ALCAM: variants seen among roughly 807,000 people sequenced by gnomAD.
The protein encoded by ALCAM is activated leukocyte cell adhesion molecule, also known as CD166 antigen.
A neutral mutation model predicts 70.9 loss-of-function variants in ALCAM; 30 were observed. The observed-to-expected ratio is 0.42, with a 90% CI of 0.32 to 0.57. ALCAM has a LOEUF of 0.57. Among genes scored for constraint, ALCAM ranks in the 20% least tolerant of loss-of-function variants. ALCAM has a pLI of 0.11. For missense variants in ALCAM, 591 were observed against 695.1 expected, an observed-to-expected ratio of 0.85 and a Z score of 1.68; for synonymous variants, 249 against 242.5, an observed-to-expected ratio of 1.03 and a Z score of -0.25.
At chr3:105,474,924 T>TA (rs150815121) in intron 1 of ALCAM, among the ~76,000 whole-genome samples, 16,907 of 148,186 alleles carry the variant, frequency 0.11, 1,106 homozygotes, top group South Asian at 0.18. Flanking sequence ...TATCCCTGTG[T>TA]AAAAAAAAAA....
intron 14 of ALCAM, among the ~76,000 whole-genome samples, chr3:105,559,181 A>G (rs1274876808): frequency 6.7e-6 from 1 of 148,200 alleles, no homozygotes; most frequent in Non-Finnish European, 1.5e-5. Flanking sequence ...TATATTATAT[A>G]TACATGTATA....
chr3:105,477,260 T>C (rs1487911336), intron 1 of ALCAM, among the ~76,000 whole-genome samples: 1 of 152,174 alleles, frequency 6.6e-6, no homozygotes, highest in East Asian at 1.9e-4. Flanking sequence ...CTTCATTTTT[T>C]TCAGAAGTTT....
intron 6 of ALCAM, among the ~76,000 whole-genome samples, chr3:105,539,002 ACTCAT>A (rs1239193457): frequency 6.6e-6 from 1 of 152,102 alleles, no homozygotes; most frequent in African/African-American, 2.4e-5. Flanking sequence ...AGTATAACTT[ACTCAT>A]TTCACTTGTT....
intron 1 of ALCAM, among the ~76,000 whole-genome samples, chr3:105,372,938 G>A (rs1218194383): frequency 6.6e-6 from 1 of 152,042 alleles, no homozygotes; most frequent in Non-Finnish European, 1.5e-5. Flanking sequence ...TATGACCATG[G>A]CAATTGCTGT....
In ALCAM at chr3:105,545,215, C is replaced by T; in HGVS notation, c.992-8C>T. 1 of 1,567,100 alleles carries T rather than the reference C, an allele frequency of 6.4e-7. No individual in the cohort carries two copies. Among genetic ancestry groups the T allele is most frequent in the Non-Finnish European group, 8.8e-7 (1 of 1,138,342 alleles). Reference sequence around the variant, plus strand: ...GTTAGCACTTTGAACAGATTTTCTGCTTCACAGATTTGGATTTGTCCTTAA... The same window carrying T: ...GTTAGCACTTTGAACAGATTTTCTGTTTCACAGATTTGGATTTGTCCTTAA... On this transcript the variant is annotated splice_region_variant and splice_polypyrimidine_tract_variant and intron_variant, in intron 8 of 15. Coordinates refer to ENST00000306107, the MANE Select transcript of ALCAM (RefSeq NM_001627.4).
rs1466575306 is a variant in ALCAM at position 105,470,422 on chromosome 3, A to G, written c.74-49645A>G. Among the ~76,000 whole-genome samples, 3 of 151,252 alleles carry G rather than the reference A, an allele frequency of 2.0e-5. No homozygotes were observed. The Admixed American group carries it at 2.0e-4, about 10-fold the overall frequency. ...ATACTGAATATATTGGTGTCAAGCAATGGCTTAATTAATAGGATAAGAAAC... is the reference window on the plus strand; with the variant it reads ...ATACTGAATATATTGGTGTCAAGCAGTGGCTTAATTAATAGGATAAGAAAC... On this transcript the variant is annotated intron_variant, in intron 1 of 15. Transcript: ENST00000306107.
chr3:105,375,230 T>C (rs1935345624), intron 1 of ALCAM, among the ~76,000 whole-genome samples: 1 of 152,242 alleles, frequency 6.6e-6, no homozygotes, highest in Non-Finnish European at 1.5e-5. Flanking sequence ...TACCTAAGAC[T>C]GTCCTGGTTT....
At chr3:105,570,099 G>A (rs1198709986) in intron 14 of ALCAM, among the ~76,000 whole-genome samples, 3 of 152,068 alleles carry the variant, frequency 2.0e-5, no homozygotes, top group Non-Finnish European at 4.4e-5. Context: ...TTTGTTCATA[G>A]GGTCAGCAAA....
intron 1 of ALCAM, among the ~76,000 whole-genome samples, chr3:105,385,564 T>A (rs1935631667): frequency 6.6e-6 from 1 of 151,664 alleles, no homozygotes; most frequent in Non-Finnish European, 1.5e-5. Context: ...AAGCCCAAAT[T>A]TGAATCTCTT....
At chr3:105,534,639 A>AAT (rs1939924018) in intron 5 of ALCAM, 24 bp from the exon 6 acceptor site, 1 of 1,606,588 alleles carries the variant, frequency 6.2e-7, no homozygotes. Context: ...AGACCCTATC[A>AAT]TCAGTGTTCT....
intron 15 of ALCAM, among the ~76,000 whole-genome samples, chr3:105,573,512 A>G (rs1315815897): frequency 2.0e-5 from 3 of 152,182 alleles, no homozygotes; most frequent in African/African-American, 7.2e-5. Flanking sequence ...ATATGTATCC[A>G]TGTATCTATA....
intron 1 of ALCAM, among the ~76,000 whole-genome samples, chr3:105,426,242 T>G (rs908362271): frequency 2.6e-5 from 4 of 151,916 alleles, no homozygotes; most frequent in African/African-American, 9.7e-5. Context: ...TCTTTTTACC[T>G]AGTGTCAAAT....
At chr3:105,540,939 TG>T (rs1387657354) in intron 7 of ALCAM, among the ~76,000 whole-genome samples, 2 of 152,018 alleles carry the variant, frequency 1.3e-5, no homozygotes, top group African/African-American at 2.4e-5. Context: ...TTGCTGTTTT[TG>T]TTTCCTTTGC....
intron 1 of ALCAM, among the ~76,000 whole-genome samples, chr3:105,369,793 T>C (rs947194144): frequency 2.0e-5 from 3 of 152,130 alleles, no homozygotes; most frequent in African/African-American, 7.2e-5. Context: ...TTGTAGTCGC[T>C]ACAAAGTCAT....
chr3:105,572,697 C>T (rs570365979), intron 15 of ALCAM, among the ~76,000 whole-genome samples: 1 of 152,280 alleles, frequency 6.6e-6, no homozygotes, highest in Admixed American at 6.5e-5. Flanking sequence ...TACACTCCCA[C>T]CAACAGTGTA....
At position 105,413,547 on chromosome 3, in the gene ALCAM, G is replaced by A. The variant is rs1363555436; in HGVS notation, c.73+46066G>A. Among the ~76,000 whole-genome samples the A allele has an allele frequency of 1.9e-4, 29 of 152,110 alleles. 1 individual carries two copies. The highest frequency in any genetic ancestry group is 4.3e-4 in the Non-Finnish European group (29 of 68,010). Reference sequence around the variant, plus strand: ...TATCTACTTCCTCCTCTGGTGCATAGTAGATGGATGTGGGATAAGTCACCT... The same window carrying A: ...TATCTACTTCCTCCTCTGGTGCATAATAGATGGATGTGGGATAAGTCACCT... On this transcript the variant is annotated intron_variant, in intron 1 of 15. Transcript: ENST00000306107.
At chr3:105,478,563 T>C (rs1645696862) in intron 1 of ALCAM, among the ~76,000 whole-genome samples, 1 of 152,076 alleles carries the variant, frequency 6.6e-6, no homozygotes, top group African/African-American at 2.4e-5. Flanking sequence ...GCCATTCTCT[T>C]CTCCCAAGAA....
intron 1 of ALCAM, among the ~76,000 whole-genome samples, chr3:105,463,163 A>G (rs1047101770): frequency 4.0e-5 from 6 of 151,460 alleles, no homozygotes; most frequent in African/African-American, 1.5e-4. Context: ...TCACTTAATA[A>G]TTTTGATTAG....
chr3:105,382,184 G>A (rs1262723575), intron 1 of ALCAM, among the ~76,000 whole-genome samples: 2 of 147,588 alleles, frequency 1.4e-5, no homozygotes, highest in East Asian at 2.0e-4. Context: ...GTGAGAACAT[G>A]CAGTGTTTGG....
Sources: allele counts gnomAD v4.1 joint callset (sites outside exome capture counted in the v4.1 genomes callset), GRCh38; gene constraint gnomAD v4.1.1; transcripts MANE v1.5; gene names NCBI Gene and HGNC (gene_info 2026-07-23, HGNC 2026-07-21).